PRIM2: variants seen among roughly 807,000 people sequenced by gnomAD.
The protein encoded by PRIM2 is DNA primase subunit 2.
A neutral mutation model predicts 67.3 loss-of-function variants in PRIM2; 39 were observed. That is an observed-to-expected ratio of 0.58 (90% CI 0.45 to 0.76). The LOEUF is 0.76. Among genes scored for constraint, PRIM2 ranks in the 30% least tolerant of loss-of-function variants. The probability of loss-of-function intolerance (pLI) is 0.00; values close to 1 mark genes in which losing one functional copy is unlikely to be tolerated. For missense variants in PRIM2, 398 were observed against 598.7 expected (o/e 0.66, Z 3.50); for synonymous variants, 143 against 198.7 (o/e 0.72, Z 2.36).
chr6:57,231,800 C>T, the PRIM2 span, among the ~76,000 whole-genome samples: 3 of 151,332 alleles, frequency 2.0e-5, no homozygotes, highest in Admixed American at 2.0e-4. Flanking sequence ...TTATTTACAC[C>T]ATTTTCTATG....
the PRIM2 span, among the ~76,000 whole-genome samples, chr6:57,264,277 C>A: frequency 6.6e-6 from 1 of 152,074 alleles, no homozygotes; most frequent in Non-Finnish European, 1.5e-5. Context: ...GTACCTGAAG[C>A]CCTCTTTAGT....
chr6:57,614,635 G>A (rs1452056340), intron 12 of PRIM2, among the ~76,000 whole-genome samples: 2 of 152,114 alleles, frequency 1.3e-5, no homozygotes, highest in African/African-American at 2.4e-5. Flanking sequence ...CAGATCACAA[G>A]GTCAGGATAT....
At chr6:57,399,811 ATG>A (rs1367000865) in intron 7 of PRIM2, among the ~76,000 whole-genome samples, 2 of 151,810 alleles carry the variant, frequency 1.3e-5, no homozygotes, top group African/African-American at 4.8e-5. Flanking sequence ...GCATTTTTTC[ATG>A]TGTCTTTTGG....
At chr6:57,492,475 G>A (rs1554346056) in intron 7 of PRIM2, among the ~76,000 whole-genome samples, 6 of 151,734 alleles carry the variant, frequency 4.0e-5, no homozygotes, top group Admixed American at 6.6e-5. Context: ...CCCAGGAGGC[G>A]GAGGCTGCAG....
intron 5 of PRIM2, among the ~76,000 whole-genome samples, chr6:57,377,071 G>A (rs1268313164): frequency 3.4e-5 from 5 of 147,420 alleles, no homozygotes; most frequent in African/African-American, 1.3e-4. Flanking sequence ...GGTATCTTTA[G>A]TAGAGATGGG....
chr6:57,580,957 A>C (rs1442906860), intron 10 of PRIM2, among the ~76,000 whole-genome samples: 9 of 152,100 alleles, frequency 5.9e-5, no homozygotes, highest in Non-Finnish European at 1.3e-4. Flanking sequence ...CTATGAAAGA[A>C]AAAAAAATAA....
At chr6:57,419,443 G>GT (rs1400122953) in intron 7 of PRIM2, among the ~76,000 whole-genome samples, 138 of 152,282 alleles carry the variant, frequency 9.1e-4, no homozygotes, top group Non-Finnish European at 1.6e-3. Context: ...CATTGAGGAG[G>GT]TTTTTGGTGG....
chr6:57,357,841 G>A (rs769791894), intron 5 of PRIM2, among the ~76,000 whole-genome samples: 3 of 151,870 alleles, frequency 2.0e-5, no homozygotes, highest in African/African-American at 7.3e-5. Flanking sequence ...TGATCCACCC[G>A]CCTTGGCCTC....
intron 5 of PRIM2, among the ~76,000 whole-genome samples, chr6:57,378,001 T>C (rs1769826673): frequency 1.3e-5 from 2 of 151,904 alleles, no homozygotes; most frequent in South Asian, 2.1e-4. Flanking sequence ...ACCTTTTTAA[T>C]GAAAACCCAG....
chr6:57,638,496 CAGG>C (rs1777162668), intron 13 of PRIM2, among the ~76,000 whole-genome samples: 1 of 140,154 alleles, frequency 7.1e-6, no homozygotes, highest in African/African-American at 2.7e-5. Context: ...GTGCTGTATT[CAGG>C]AGACCATTTC....
chr6:57,627,279 CAAAAAAAAAAAAA>C lies in PRIM2; in HGVS notation c.1231-4837_1231-4825del, dbSNP rs1158722297. 2.9e-4 allele frequency among the ~76,000 whole-genome samples: 7 copies of C among 24,534 alleles called. No individual in the cohort carries two copies. In the South Asian group the frequency reaches 9.7e-3, roughly 34 times the overall value. 16.1% of individuals were successfully genotyped at this position (24,534 alleles called of 152,430 possible). ...TGGGTGACAGAGTGAGACTCTGTCT[CAAAAAAAAAAAAA>C]AAAAAAAAAAAAAAAAGTTTAAAAA... On this transcript the variant is annotated intron_variant, in intron 12 of 13. Transcript: ENST00000615550.
At chr6:57,547,602 A>T (rs1775314430) in intron 10 of PRIM2, among the ~76,000 whole-genome samples, 1 of 152,232 alleles carries the variant, frequency 6.6e-6, no homozygotes, top group South Asian at 2.1e-4. Context: ...TTCTTCTAAT[A>T]AATTCAAAGC....
intron 7 of PRIM2, among the ~76,000 whole-genome samples, chr6:57,505,680 T>TGG (rs2127459124): frequency 6.6e-6 from 1 of 152,122 alleles, no homozygotes; most frequent in African/African-American, 2.4e-5. Context: ...GAAACAACAG[T>TGG]GGAGATGTAT....
chr6:57,419,703 G>GTAGT (rs1418376012), intron 7 of PRIM2, among the ~76,000 whole-genome samples: 8 of 152,138 alleles, frequency 5.3e-5, no homozygotes, highest in African/African-American at 1.9e-4. Context: ...GGAGGGAGGG[G>GTAGT]TAGTATGTAG....
At chr6:57,363,560 T>C (rs528570981) in intron 5 of PRIM2, among the ~76,000 whole-genome samples, 1 of 152,314 alleles carries the variant, frequency 6.6e-6, no homozygotes, top group Admixed American at 6.5e-5. Context: ...TTTTAGCACA[T>C]TAAGATATAT....
intron 10 of PRIM2, among the ~76,000 whole-genome samples, chr6:57,578,688 T>G (rs1776007171): frequency 6.9e-6 from 1 of 144,092 alleles, no homozygotes; most frequent in Non-Finnish European, 1.5e-5. Flanking sequence ...TTTTTTTTTT[T>G]TTTTTTGAGA....
At chr6:57,460,816 G>T (rs919330266) in intron 7 of PRIM2, among the ~76,000 whole-genome samples, 18 of 152,338 alleles carry the variant, frequency 1.2e-4, no homozygotes, top group African/African-American at 4.3e-4. Flanking sequence ...ATTGGGGTAA[G>T]ATCAATTTTA....
chr6:57,481,848 T>G (rs1773636922), intron 7 of PRIM2, among the ~76,000 whole-genome samples: 1 of 152,198 alleles, frequency 6.6e-6, no homozygotes, highest in Non-Finnish European at 1.5e-5. Context: ...TAATGGCTAA[T>G]GATGTTGAAC....
chr6:57,454,258 T>A (rs1238603915), intron 7 of PRIM2, among the ~76,000 whole-genome samples: 1 of 152,176 alleles, frequency 6.6e-6, no homozygotes, highest in Non-Finnish European at 1.5e-5. Context: ...CTTTTTTTGT[T>A]TTGTCTCTGA....
Sources: gnomAD v4.1 joint callset for allele counts (sites outside exome capture counted in the v4.1 genomes callset) on GRCh38, gnomAD v4.1.1 for gene constraint, MANE v1.5 for transcripts, NCBI Gene and HGNC (gene_info 2026-07-23, HGNC 2026-07-21) for gene names.